The following KIF1A variants were observed in gnomAD, a reference collection of about 807,000 sequenced individuals.
The protein encoded by KIF1A is kinesin family member 1A, also known as kinesin-like protein KIF1A.
KIF1A carries 46 observed loss-of-function variants against 227.3 expected under a neutral mutation model. The observed-to-expected ratio is 0.20, with a 90% CI of 0.16 to 0.26. The LOEUF (loss-of-function observed/expected upper bound fraction) is 0.26. Ranked by LOEUF, KIF1A falls within the 10% of genes least tolerant of loss-of-function variation. The pLI, the probability that KIF1A is intolerant of heterozygous loss-of-function variation, is 1.00. For missense variants in KIF1A, 1,683 were observed against 2,485.9 expected (o/e 0.68, Z 6.87); for synonymous variants, 1,022 against 1,012.8 (o/e 1.01, Z -0.17).
rs748947326 is a variant in KIF1A, at chr2:240,787,328, G to C, written c.364-12C>G. The C allele has an allele frequency of 1.2e-6, 2 of 1,612,156 alleles. No individual in the cohort carries two copies. The highest frequency in any genetic ancestry group is 1.7e-6 in the Non-Finnish European group (2 of 1,179,000). ...AGGTCCTCGCAGAGCTGCAGGAATG[G>C]GGGGACAGTCAGCCAGGGAGGGCTG... On this transcript the variant is annotated splice_polypyrimidine_tract_variant and intron_variant, in intron 4 of 48. Transcript: ENST00000498729.
chr2:240,801,093 G>A (rs2056923869), intron 1 of KIF1A, among the ~76,000 whole-genome samples: 4 of 151,046 alleles, frequency 2.6e-5, no homozygotes, highest in African/African-American at 9.8e-5. Context: ...AAACTTAGAA[G>A]GTATAAAATA....
chr2:240,737,218 A>G (rs1359133960), intron 37 of KIF1A, 50 bp from the exon 38 acceptor site: 5 of 1,461,162 alleles, frequency 3.4e-6, no homozygotes, highest in Non-Finnish European at 4.8e-6. Flanking sequence ...GGCAGGTGGG[A>G]CCCTGGGGGG....
chr2:240,747,053 G>A (rs112692098), intron 29 of KIF1A, among the ~76,000 whole-genome samples, 183 bp downstream of exon 29: 8 of 152,292 alleles, frequency 5.3e-5, no homozygotes, highest in South Asian at 2.1e-4. Context: ...GGGCAAACCC[G>A]GGAAAAGGGG....
At chr2:240,795,253 T>C (rs538325536) in intron 2 of KIF1A, among the ~76,000 whole-genome samples, 7 of 152,266 alleles carry the variant, frequency 4.6e-5, no homozygotes, top group Non-Finnish European at 1.0e-4. Context: ...TGCTGGCACA[T>C]AGGCGAAATC....
rs557648008 is a variant in KIF1A, at chr2:240,731,530, CA to C, written c.4008-4591del. 2.3e-3 allele frequency among the ~76,000 whole-genome samples: 348 copies of C among 152,352 alleles called. 2 individuals carry two copies. Among genetic ancestry groups the C allele is most frequent in the Non-Finnish European group, 3.3e-3 (223 of 68,024 alleles). ...TGTCACTGCTCCCCACCACCTCCACCAGACAGCGTGGCCCTGGAGGTCGCTG... is the reference window on the plus strand; with the variant it reads ...TGTCACTGCTCCCCACCACCTCCACCGACAGCGTGGCCCTGGAGGTCGCTG... On this transcript the variant is annotated intron_variant, in intron 38 of 48. Coordinates refer to ENST00000498729, the MANE Select transcript of KIF1A (RefSeq NM_001244008.2).
chr2:240,800,149 A>C (rs866983325), intron 1 of KIF1A, among the ~76,000 whole-genome samples: 15 of 121,814 alleles, frequency 1.2e-4, no homozygotes, highest in African/African-American at 3.9e-4. Flanking sequence ...CACACACACT[A>C]AAGAAAAAGG....
In KIF1A at chr2:240,804,914, T is replaced by C. The variant is rs114900463; in HGVS notation, c.-60-7102A>G. Among the ~76,000 whole-genome samples the C allele has an allele frequency of 5.6e-3, 836 of 150,606 alleles. 10 individuals carry two copies. The highest frequency in any genetic ancestry group is 0.019 in the African/African-American group (787 of 40,874). ...GCCCCAAGATTCCCACATATGAACA[T>C]CAGCCAAATGTTAGCTCACAATGAA... On this transcript the variant is annotated intron_variant, in intron 1 of 48. Transcript: ENST00000498729.
chr2:240,749,124 CAAA>C (rs71049518), intron 28 of KIF1A, among the ~76,000 whole-genome samples: 2 of 132,338 alleles, frequency 1.5e-5, no homozygotes, highest in African/African-American at 5.6e-5. Context: ...AGACTTTGTC[CAAA>C]AAAAAAAAAA....
rs1263049349 is a variant in KIF1A, at chr2:240,766,397, G to A, written c.1684+518C>T. On this transcript the variant is annotated intron_variant, in intron 19 of 48. Transcript: ENST00000498729. The surrounding 1 kb of genome is among the most constrained non-coding windows in gnomAD (Gnocchi z 5.0). ...ACAGCCCCACGTCATCTCCAGGAGG[G>A]AGACCACTGGGCAGGCAGGGGAAAC... Among the ~76,000 whole-genome samples, 2 of 152,212 alleles carry A rather than the reference G, an allele frequency of 1.3e-5. No homozygotes were observed. Among genetic ancestry groups the A allele is most frequent in the Non-Finnish European group, 2.9e-5 (2 of 68,028 alleles).
intron 38 of KIF1A, among the ~76,000 whole-genome samples, chr2:240,730,447 G>A (rs919541165): frequency 3.9e-5 from 6 of 152,192 alleles, no homozygotes; most frequent in Admixed American, 6.5e-5. Context: ...GAGCAGGCAC[G>A]AGGTTGCTCC....
chr2:240,741,284 A>G lies in KIF1A; in HGVS notation c.3734T>C (p.Leu1245Pro). 1 of 1,595,544 alleles carries G rather than the reference A, an allele frequency of 6.3e-7. No individual in the cohort carries two copies. Among genetic ancestry groups the G allele is most frequent in the Non-Finnish European group, 8.5e-7 (1 of 1,173,776 alleles). ...CAGCACTCACTCGCCGTTGGCCTCC[A>G]GCTCACAGATCTCGAAGTAGACCAG... ...DLLVYFEICE[L>P]EANGDYIPAV... Residue 1245 changes from leucine (L) to proline (P), a missense_variant, in exon 35 of 49, where the codon CTG (leucine) becomes CCG (proline). Around this residue, in one of 12 missense-constraint regions of KIF1A, gnomAD observed 759 missense variants for 1,020.2 expected, o/e 0.74. Transcript: ENST00000498729.
chr2:240,805,095 AGGGAGAGGGGAGGGAGGGAGAG>A (rs2057295493), intron 1 of KIF1A, among the ~76,000 whole-genome samples: 1 of 41,526 alleles, frequency 2.4e-5, no homozygotes, highest in African/African-American at 1.1e-4. Context: ...GGGAGAGGGG[AGGGAGAGGGGAGGGAGGGAGAG>A]GGGAGGGAGG....
intron 20 of KIF1A, among the ~76,000 whole-genome samples, chr2:240,763,718 C>G (rs959540886): frequency 1.3e-5 from 2 of 152,212 alleles, no homozygotes; most frequent in African/African-American, 2.4e-5. Context: ...CCGGTGCCCC[C>G]AGAGCTGGAC....
chr2:240,723,547 G>A lies in KIF1A; in HGVS notation c.4330C>T (p.Arg1444Trp), dbSNP rs2125605245. Residue 1444 changes from arginine to tryptophan, a missense_variant, in exon 42 of 49, where the codon CGG becomes TGG. Around this residue, in one of 12 missense-constraint regions of KIF1A, gnomAD observed 759 missense variants for 1,020.2 expected, o/e 0.74. Coordinates refer to ENST00000498729, the MANE Select transcript of KIF1A (RefSeq NM_001244008.2). ...GATGTGTCCAGGACTCGTCGGCGCCGGCGCTGCATCCCTGCATGGGGCACG... is the reference window on the plus strand; with the variant it reads ...GATGTGTCCAGGACTCGTCGGCGCCAGCGCTGCATCCCTGCATGGGGCACG... ...ADAGSPGMQR[R>W]RRRVLDTSVA... is the part of the protein sequence containing the mutation. 1.3e-6 allele frequency: 2 copies of A among 1,537,312 alleles called. No homozygotes were observed. Among genetic ancestry groups the A allele is most frequent in the Non-Finnish European group, 1.8e-6 (2 of 1,136,634 alleles).
At chr2:240,777,923 C>T (rs569866099) in intron 10 of KIF1A, among the ~76,000 whole-genome samples, 5 of 152,340 alleles carry the variant, frequency 3.3e-5, no homozygotes, top group Non-Finnish European at 7.4e-5. Context: ...CTCACACAGA[C>T]AGTCACGCGG....
intron 17 of KIF1A, among the ~76,000 whole-genome samples, chr2:240,767,853 T>C (rs2051406201): frequency 6.6e-6 from 1 of 152,230 alleles, no homozygotes; most frequent in African/African-American, 2.4e-5. Context: ...ATCAGGACAC[T>C]GACCATGGAG....
intron 2 of KIF1A, among the ~76,000 whole-genome samples, chr2:240,794,463 C>T (rs4676444): frequency 0.33 from 50,162 of 152,042 alleles, 8,380 homozygotes; most frequent in East Asian, 0.41. Flanking sequence ...TCTTGGGCTC[C>T]GTGCTGACCT....
Position 240,766,880 on chromosome 2 carries a change from C to T in KIF1A, c.1684+35G>A. 1.4e-6 allele frequency: 2 copies of T among 1,451,648 alleles called. No individual in the cohort carries two copies. Among genetic ancestry groups the T allele is most frequent in the Non-Finnish European group, 1.9e-6 (2 of 1,048,030 alleles). The allele number at this position is 1,451,648 out of a possible 1,614,324, so 89.9% of individuals were successfully genotyped here. ...AGGCCTGATCATCACGGCACAGGGGCATGGGTGCGGGTAGGGACGGTAGGG... is the reference window on the plus strand; with the variant it reads ...AGGCCTGATCATCACGGCACAGGGGTATGGGTGCGGGTAGGGACGGTAGGG... On this transcript the variant is annotated intron_variant, in intron 19 of 48. Coordinates refer to ENST00000498729, the MANE Select transcript of KIF1A (RefSeq NM_001244008.2). This position sits in a 1 kb window ranked among gnomAD's most constrained non-coding sequence, Gnocchi z 5.0.
intron 28 of KIF1A, chr2:240,748,633 C>G: frequency 3.8e-6 from 1 of 263,630 alleles, no homozygotes. Context: ...TCCCAGCTTC[C>G]CTGAGTATTG....
Sources: allele counts gnomAD v4.1 joint callset (sites outside exome capture counted in the v4.1 genomes callset), GRCh38; gene constraint gnomAD v4.1.1; regional missense constraint gnomAD v4.1.1; non-coding constraint Gnocchi (gnomAD v3.1); transcripts MANE v1.5; gene names NCBI Gene and HGNC (gene_info 2026-07-23, HGNC 2026-07-21).